The following BAZ1A variants were observed in gnomAD, a reference collection of about 807,000 sequenced individuals.
BAZ1A encodes bromodomain adjacent to zinc finger domain protein 1A.
A neutral mutation model predicts 185.2 loss-of-function variants in BAZ1A; 50 were observed. The observed-to-expected ratio is 0.27, with a 90% CI of 0.22 to 0.34. The LOEUF (loss-of-function observed/expected upper bound fraction) is 0.34, where lower values mean the gene tolerates loss of function less well. BAZ1A is among the 10% of genes least tolerant of loss of function. The pLI, the probability that BAZ1A is intolerant of heterozygous loss-of-function variation, is 1.00. For missense variants in BAZ1A, 1,356 were observed against 1,839.9 expected (o/e 0.74, Z 4.81); for synonymous variants, 571 against 615.6 (o/e 0.93, Z 1.07).
chr14:34,773,503 C>CAAAAAAA, intron 20 of BAZ1A, 69 bp downstream of exon 20: 1 of 1,148,888 alleles, frequency 8.7e-7, no homozygotes, highest in Non-Finnish European at 1.2e-6. Flanking sequence ...ACTTAAAAAC[C>CAAAAAAA]AAAAAAAAAA....
chr14:34,846,191 G>A (rs747943235), intron 3 of BAZ1A, among the ~76,000 whole-genome samples: 1 of 152,118 alleles, frequency 6.6e-6, no homozygotes, highest in Non-Finnish European at 1.5e-5. Context: ...TAAAGCCAAC[G>A]CTGAATATCC....
At chr14:34,808,357 C>T (rs1374953506) in intron 5 of BAZ1A, among the ~76,000 whole-genome samples, 6 of 151,116 alleles carry the variant, frequency 4.0e-5, no homozygotes, top group Admixed American at 2.6e-4. Context: ...ATTAGCTGGG[C>T]GGTAGTGGCA....
At chr14:34,832,020 C>G (rs2042249059) in intron 3 of BAZ1A, among the ~76,000 whole-genome samples, 1 of 151,758 alleles carries the variant, frequency 6.6e-6, no homozygotes, top group Admixed American at 6.6e-5. Context: ...CATGGAGAAA[C>G]CCTGCCTCTA....
At chr14:34,780,118 A>C in intron 17 of BAZ1A, 68 bp downstream of exon 17, 1 of 1,578,374 alleles carries the variant, frequency 6.3e-7, no homozygotes, top group South Asian at 1.2e-5. Flanking sequence ...AGAGGAGCTG[A>C]ATTAATAAAG....
chr14:34,773,012 G>A (rs546849034), intron 20 of BAZ1A, among the ~76,000 whole-genome samples: 1 of 152,142 alleles, frequency 6.6e-6, no homozygotes, highest in South Asian at 2.1e-4. Context: ...TGGCAACAGA[G>A]CAAGACTCCG....
intron 12 of BAZ1A, among the ~76,000 whole-genome samples, chr14:34,786,883 C>CAG (rs1369934992): frequency 2.6e-5 from 4 of 151,810 alleles, no homozygotes; most frequent in Non-Finnish European, 4.4e-5. Flanking sequence ...GCTGGGATTA[C>CAG]AGGCGTGAAC....
At chr14:34,865,686 C>T (rs955295518) in intron 2 of BAZ1A, among the ~76,000 whole-genome samples, 1 of 152,076 alleles carries the variant, frequency 6.6e-6, no homozygotes, top group Non-Finnish European at 1.5e-5. Flanking sequence ...GCTCTTAATT[C>T]AGTACAAAGA....
Position 34,785,862 on chromosome 14 carries a change from T to A in BAZ1A, c.1746A>T (p.Thr582=). 2 of 1,614,150 alleles carry A rather than the reference T, an allele frequency of 1.2e-6. No individual in the cohort carries two copies. The highest frequency in any genetic ancestry group is 1.7e-6 in the Non-Finnish European group (2 of 1,180,028). The change falls in exon 14 of 27, where the codon ACA becomes ACT. Residue 582 remains threonine, a synonymous_variant. Transcript: ENST00000360310. ...RYQKRGGFDA[T]DDACMELRLS... is the part of the protein sequence containing the mutation. ...AACGAAGCTCCATACAAGCATCATC[T>A]GTAGCATCAAATCCTCCTCGTTTTT...
At chr14:34,868,991 T>G (rs1304671834) in intron 2 of BAZ1A, among the ~76,000 whole-genome samples, 1 of 150,468 alleles carries the variant, frequency 6.6e-6, no homozygotes, top group Non-Finnish European at 1.5e-5. Flanking sequence ...ATATACTCGA[T>G]CTCGGGAGAT....
chr14:34,786,286 G>T, intron 12 of BAZ1A, 65 bp from the exon 13 acceptor site: 2 of 1,415,286 alleles, frequency 1.4e-6, no homozygotes. Context: ...AATAATGCCC[G>T]TTTTAAATGA....
Position 34,801,382 on chromosome 14 carries a change from CCTG to C in BAZ1A, c.862-192_862-190del, listed in dbSNP as rs1236125337. ...TCTCGGCTCACTGCAACCTCTGCCT[CCTG>C]GGCTCAAGTGATTCTTCTCCCTCAG... On this transcript the variant is annotated intron_variant, in intron 7 of 26. Coordinates refer to ENST00000360310, the MANE Select transcript of BAZ1A (RefSeq NM_013448.3). 2.0e-5 allele frequency among the ~76,000 whole-genome samples: 3 copies of C among 151,876 alleles called. No individual in the cohort carries two copies. The East Asian group carries it at 5.8e-4, about 29-fold the overall frequency.
rs1886553535 is a variant in BAZ1A, at chr14:34,762,178, T to C, written c.3822A>G (p.Thr1274=). ...AGAAAGAAGAGCTAAGTTTCCCTCT[T>C]GTTTTAACTGGCAATCTAACTTGTG... ...GRPQVRLPVK[T]RGKLSSSFSS... is the part of the protein sequence containing the mutation. The change falls in exon 24 of 27, where the codon ACA becomes ACG. Residue 1274 remains threonine, a synonymous_variant. Coordinates refer to ENST00000360310, the MANE Select transcript of BAZ1A (RefSeq NM_013448.3). 1 of 1,614,076 alleles carries C rather than the reference T, an allele frequency of 6.2e-7. No homozygotes were observed. Among genetic ancestry groups the C allele is most frequent in the African/African-American group, 1.3e-5 (1 of 74,934 alleles).
chr14:34,847,236 TAA>T (rs5807798), intron 3 of BAZ1A, among the ~76,000 whole-genome samples: 6 of 142,498 alleles, frequency 4.2e-5, no homozygotes, highest in Non-Finnish European at 4.6e-5. Context: ...AGACTAGTCT[TAA>T]AAAAAAAAAA....
At chr14:34,851,352 A>T (rs2042593832) in intron 3 of BAZ1A, among the ~76,000 whole-genome samples, 2 of 151,226 alleles carry the variant, frequency 1.3e-5, no homozygotes, top group South Asian at 2.1e-4. Context: ...AAAAAAAAAA[A>T]AAAAAAAAGT....
Position 34,819,632 on chromosome 14 carries a change from T to C in BAZ1A, c.536+6381A>G, listed in dbSNP as rs913246796. ...CTAATTTCTTTTTAGTGCTGAATAA[T>C]AGTCCATTGTCTTTATGTACCACAG... On this transcript the variant is annotated intron_variant, in intron 4 of 26. Coordinates refer to ENST00000360310, the MANE Select transcript of BAZ1A (RefSeq NM_013448.3). 5.3e-5 allele frequency among the ~76,000 whole-genome samples: 8 copies of C among 152,372 alleles called. No individual in the cohort carries two copies. The South Asian group carries it at 6.2e-4, about 12-fold the overall frequency.
chr14:34,805,270 C>T (rs752076146), intron 6 of BAZ1A, among the ~76,000 whole-genome samples: 9 of 152,198 alleles, frequency 5.9e-5, no homozygotes, highest in Non-Finnish European at 1.0e-4. Flanking sequence ...GATTAATACA[C>T]CAGCATATCC....
At chr14:34,860,770 T>C (rs2042756933) in intron 3 of BAZ1A, among the ~76,000 whole-genome samples, 1 of 150,716 alleles carries the variant, frequency 6.6e-6, no homozygotes, top group East Asian at 2.0e-4. Context: ...TGGTGGTGGG[T>C]GCCTGTAATC....
At chr14:34,857,452 T>A (rs2042701774) in intron 3 of BAZ1A, among the ~76,000 whole-genome samples, 1 of 152,164 alleles carries the variant, frequency 6.6e-6, no homozygotes, top group Non-Finnish European at 1.5e-5. Flanking sequence ...ACAATAGACA[T>A]GAGCTAAGCT....
Position 34,800,218 on chromosome 14 carries a change from G to A in BAZ1A, c.1128+6C>T. ...GAGAGTATAGCTAATATACTCAAAT[G>A]AATACCTTTTCTCTTTCTACTTTAA... On this transcript the variant is annotated splice_donor_region_variant and intron_variant, in intron 9 of 26. Transcript: ENST00000360310. 7.2e-7 allele frequency: 1 copy of A among 1,391,412 alleles called. No individual in the cohort carries two copies. The highest frequency in any genetic ancestry group is 2.5e-5 in the Admixed American group (1 of 40,528). 86.2% of individuals were successfully genotyped at this position (1,391,412 alleles called of 1,614,324 possible).
Sources: gnomAD v4.1 joint callset for allele counts (sites outside exome capture counted in the v4.1 genomes callset) on GRCh38, gnomAD v4.1.1 for gene constraint, MANE v1.5 for transcripts, NCBI Gene and HGNC (gene_info 2026-07-23, HGNC 2026-07-21) for gene names.